Variants in SPECC1L observed in about 807,000 individuals in gnomAD.
SPECC1L encodes sperm antigen with calponin homology and coiled-coil domains 1 like.
In SPECC1L, 40 loss-of-function variants were observed where a neutral mutation model predicts 116.8. The ratio of observed to expected loss-of-function variants is 0.34; its 90% CI spans 0.27 to 0.45. The LOEUF is 0.45. Ranked by LOEUF, SPECC1L falls within the 20% of genes least tolerant of loss-of-function variation. The pLI is 1.00. For synonymous variants in SPECC1L, 504 were observed against 500.6 expected (o/e 1.01, Z -0.09); for missense variants, 1,110 against 1,373.6 (o/e 0.81, Z 3.03).
intron 14 of SPECC1L, among the ~76,000 whole-genome samples, chr22:24,393,650 C>CT (rs952426085): frequency 2.6e-5 from 4 of 151,856 alleles, no homozygotes; most frequent in East Asian, 1.9e-4. Flanking sequence ...CTTGGGCTTC[C>CT]TTTTTTTTAA....
intron 2 of SPECC1L, among the ~76,000 whole-genome samples, chr22:24,292,035 T>A (rs1043720614): frequency 3.3e-5 from 5 of 152,164 alleles, no homozygotes; most frequent in Non-Finnish European, 4.4e-5. Flanking sequence ...GTGACAGCAA[T>A]CAAGATCCTG....
intron 1 of SPECC1L, among the ~76,000 whole-genome samples, chr22:24,271,879 A>G (rs977789727): frequency 6.6e-6 from 1 of 152,232 alleles, no homozygotes. Flanking sequence ...CTCTTAAGCC[A>G]TGATAATATT....
chr22:24,321,242 T>C (rs202099517), intron 4 of SPECC1L, 46 bp from the exon 5 acceptor site: 16 of 1,607,724 alleles, frequency 1.0e-5, no homozygotes, highest in Non-Finnish European at 1.4e-5. Context: ...ATGTAGCCTT[T>C]TATTGCTGAC....
intron 2 of SPECC1L, among the ~76,000 whole-genome samples, chr22:24,294,944 GTC>G (rs1193005997): frequency 6.6e-6 from 1 of 152,138 alleles, no homozygotes; most frequent in African/African-American, 2.4e-5. Flanking sequence ...CTAGTAAAGA[GTC>G]TATGAGTTGA....
intron 8 of SPECC1L, among the ~76,000 whole-genome samples, chr22:24,332,303 G>A (rs1290348742): frequency 2.6e-5 from 4 of 151,898 alleles, no homozygotes; most frequent in African/African-American, 9.7e-5. Context: ...AGATCATTGC[G>A]ACTTAAAAAA....
intron 2 of SPECC1L, among the ~76,000 whole-genome samples, chr22:24,279,296 T>A (rs2146331058): frequency 6.6e-6 from 1 of 152,362 alleles, no homozygotes; most frequent in East Asian, 1.9e-4. Context: ...ATATGCAACC[T>A]GGTTGCGCCT....
chr22:24,276,033 C>T (rs11705382), intron 1 of SPECC1L, among the ~76,000 whole-genome samples: 1 of 151,630 alleles, frequency 6.6e-6, no homozygotes, highest in Non-Finnish European at 1.5e-5. Flanking sequence ...TTTTTCAATG[C>T]TGAGCTGTAC....
Position 24,375,362 on chromosome 22 carries a change from A to G in SPECC1L, c.3087+6042A>G, listed in dbSNP as rs376796524. On this transcript the variant is annotated intron_variant, in intron 14 of 16. Coordinates refer to ENST00000314328, the MANE Select transcript of SPECC1L (RefSeq NM_015330.6). The stretch of plus-strand genomic sequence containing the variant: ...ACTCTCATACCAAAAACGGAAAAAG[A>G]TATTACAAAAAAAGAAAACTGTAAA... Among the ~76,000 whole-genome samples the G allele has an allele frequency of 4.7e-4, 72 of 152,328 alleles. 1 individual carries two copies. Among genetic ancestry groups the G allele is most frequent in the Middle Eastern group, 6.8e-3 (2 of 294 alleles).
intron 15 of SPECC1L, chr22:24,412,430 G>T (rs1461973932): frequency 4.8e-6 from 3 of 630,086 alleles, no homozygotes; most frequent in Non-Finnish European, 8.7e-6. Flanking sequence ...ACGGGTGTTG[G>T]TGGGTCACTG....
intron 2 of SPECC1L, among the ~76,000 whole-genome samples, chr22:24,301,341 G>A (rs902946032): frequency 1.3e-5 from 2 of 152,100 alleles, no homozygotes; most frequent in African/African-American, 2.4e-5. Flanking sequence ...ACATTTACGT[G>A]GTCTTCTTTT....
intron 14 of SPECC1L, among the ~76,000 whole-genome samples, chr22:24,402,187 G>C (rs2042493034): frequency 8.2e-6 from 1 of 122,142 alleles, no homozygotes; most frequent in Non-Finnish European, 1.7e-5. Flanking sequence ...ACCTGGAGCA[G>C]AGATTGGCCC....
intron 2 of SPECC1L, among the ~76,000 whole-genome samples, chr22:24,292,426 GAGTTAT>G (rs1156685434): frequency 6.6e-6 from 1 of 152,126 alleles, no homozygotes; most frequent in Non-Finnish European, 1.5e-5. Context: ...GGGATATCAG[GAGTTAT>G]GTTCTTGTTG....
At chr22:24,307,600 A>AGTGT (rs532530564) in intron 3 of SPECC1L, among the ~76,000 whole-genome samples, 34 of 149,784 alleles carry the variant, frequency 2.3e-4, no homozygotes, top group African/African-American at 7.6e-4. Flanking sequence ...TGTGTATGTG[A>AGTGT]GTGTGTGTGT....
intron 8 of SPECC1L, among the ~76,000 whole-genome samples, chr22:24,333,769 G>A (rs546788041): frequency 1.2e-4 from 19 of 152,048 alleles, no homozygotes; most frequent in African/African-American, 1.9e-4. Context: ...GGCAGCACAG[G>A]ACCTGGAGAG....
At chr22:24,354,130 A>T (rs1057484414) in intron 11 of SPECC1L, among the ~76,000 whole-genome samples, 2 of 152,174 alleles carry the variant, frequency 1.3e-5, no homozygotes, top group African/African-American at 4.8e-5. Flanking sequence ...AGATCTCACA[A>T]GGACAGCACC....
At chr22:24,408,487 T>G (rs2042632857) in intron 14 of SPECC1L, among the ~76,000 whole-genome samples, 1 of 152,108 alleles carries the variant, frequency 6.6e-6, no homozygotes, top group Non-Finnish European at 1.5e-5. Flanking sequence ...CTGGCCTAGG[T>G]ATTTGGGGAG....
At chr22:24,289,697 CTT>C (rs74338225) in intron 2 of SPECC1L, among the ~76,000 whole-genome samples, 35 of 139,684 alleles carry the variant, frequency 2.5e-4, no homozygotes, top group Admixed American at 2.2e-4. Context: ...TAACTACCTC[CTT>C]TTTTTTTTTT....
intron 14 of SPECC1L, among the ~76,000 whole-genome samples, chr22:24,390,852 C>CT (rs60006066): frequency 0.089 from 4,095 of 45,860 alleles, 196 homozygotes; most frequent in Non-Finnish European, 0.12. Context: ...GCCTGTGTTC[C>CT]TTTTTTTTTT....
chr22:24,334,347 A>G (rs551663542), intron 8 of SPECC1L, 63 bp from the exon 9 acceptor site: 70 of 1,559,440 alleles, frequency 4.5e-5, no homozygotes, highest in Non-Finnish European at 5.7e-5. Context: ...TTCAGCTGGG[A>G]GGGGAAAATG....
Sources: allele counts gnomAD v4.1 joint callset (sites outside exome capture counted in the v4.1 genomes callset), GRCh38; gene constraint gnomAD v4.1.1; transcripts MANE v1.5; gene names NCBI Gene and HGNC (gene_info 2026-07-23, HGNC 2026-07-21).